TRPV3: variants seen among roughly 807,000 people sequenced by gnomAD.
TRPV3 encodes the protein transient receptor potential cation channel subfamily V member 3.
TRPV3 carries 88 observed loss-of-function variants against 87.1 expected under a neutral mutation model. The observed-to-expected ratio is 1.01, with a 90% CI of 0.85 to 1.21. The LOEUF (loss-of-function observed/expected upper bound fraction) is 1.21. Among genes scored for constraint, TRPV3 ranks in the 50% most tolerant of loss-of-function variants. The pLI, the probability that TRPV3 is intolerant of heterozygous loss-of-function variation, is 0.00. For missense variants in TRPV3, 1,054 were observed against 1,030.1 expected (o/e 1.02, Z -0.32); for synonymous variants, 438 against 423.3 (o/e 1.03, Z -0.43).
intron 13 of TRPV3, among the ~76,000 whole-genome samples, chr17:3,522,553 T>C (rs1005749112): frequency 2.0e-5 from 3 of 149,444 alleles, no homozygotes; most frequent in East Asian, 2.0e-4. Context: ...ATTTGTTGAT[T>C]CCCCCCCCCA....
At position 3,510,577 on chromosome 17, in the gene TRPV3, G is replaced by C. The variant is rs886052835; in HGVS notation, c.*3340C>G. ...TGGCACAAACATGTTCTTACTCTTT[G>C]TATGATTTCTTTCTTGAACATAGAG... On this transcript the variant is annotated 3_prime_UTR_variant, in exon 18 of 18. Coordinates refer to ENST00000576742, the MANE Select transcript of TRPV3 (RefSeq NM_145068.4). 2.6e-5 allele frequency: 4 copies of C among 152,200 alleles called. No individual in the cohort carries two copies. The highest frequency in any genetic ancestry group is 6.5e-5 in the Admixed American group (1 of 15,278). The allele number at this position is 152,200 out of a possible 1,614,324, so 9.4% of individuals were successfully genotyped here.
chr17:3,529,866 C>A (rs572851892), intron 9 of TRPV3, among the ~76,000 whole-genome samples, 161 bp downstream of exon 9: 1 of 151,902 alleles, frequency 6.6e-6, no homozygotes, highest in South Asian at 2.1e-4. Context: ...CAGGCCTCGC[C>A]TTTTCTGTGC....
intron 2 of TRPV3, chr17:3,554,339 C>T (rs2074606548): frequency 5.6e-6 from 1 of 177,582 alleles, no homozygotes; most frequent in African/African-American, 2.4e-5. Context: ...GATGGAAAGC[C>T]ATGGGTGTGT....
intron 2 of TRPV3, 65 bp downstream of exon 2, chr17:3,554,667 G>A: frequency 8.4e-7 from 1 of 1,197,132 alleles, no homozygotes; most frequent in Non-Finnish European, 1.2e-6. Context: ...CCCTGGGGGG[G>A]TGCCAGGCCC....
chr17:3,541,825 A>C (rs1157641530), intron 6 of TRPV3, among the ~76,000 whole-genome samples: 4 of 151,734 alleles, frequency 2.6e-5, no homozygotes, highest in African/African-American at 9.7e-5. Flanking sequence ...CTGACTGTCC[A>C]CTCTAAAGTT....
Position 3,535,722 on chromosome 17 carries a change from C to T in TRPV3, c.644-9G>A. The stretch of plus-strand genomic sequence containing the variant: ...GTTCAGCGCCGTCTGCCCTGCGGAG[C>T]GGGCGGGGACGCGCGGGAGCCTCAG... On this transcript the variant is annotated splice_polypyrimidine_tract_variant and intron_variant, in intron 6 of 17. Transcript: ENST00000576742. 4.7e-6 allele frequency: 7 copies of T among 1,480,618 alleles called. No homozygotes were observed. Among genetic ancestry groups the T allele is most frequent in the Non-Finnish European group, 6.3e-6 (7 of 1,118,256 alleles). 91.7% of individuals were successfully genotyped at this position (1,480,618 alleles called of 1,614,324 possible).
At chr17:3,525,232 C>A (rs188128788) in intron 12 of TRPV3, among the ~76,000 whole-genome samples, 2 of 152,192 alleles carry the variant, frequency 1.3e-5, no homozygotes, top group East Asian at 1.9e-4. Flanking sequence ...GTTGGCCAGG[C>A]TGGTCTCGAA....
Position 3,530,399 on chromosome 17 carries a change from C to CGGTGAAAA in TRPV3, c.1066-197_1066-196insTTTTCACC. Reference sequence around the variant, plus strand: ...TGCGCACAAAGCTTGCTGTTCCGCCCATCTCACTGGGGGTTGTGAATACCA... The same window carrying CGGTGAAAA: ...TGCGCACAAAGCTTGCTGTTCCGCCCGGTGAAAAATCTCACTGGGGGTTGTGAATACCA... On this transcript the variant is annotated intron_variant, in intron 8 of 17. Coordinates refer to ENST00000576742, the MANE Select transcript of TRPV3 (RefSeq NM_145068.4). The surrounding 1 kb of genome is among the most constrained non-coding windows in gnomAD (Gnocchi z 4.0). 2.3e-6 allele frequency: 1 copy of CGGTGAAAA among 438,888 alleles called. No homozygotes were observed. Among genetic ancestry groups the CGGTGAAAA allele is most frequent in the Non-Finnish European group, 3.8e-6 (1 of 262,190 alleles). The allele number at this position is 438,888 out of a possible 1,614,324, so 27.2% of individuals were successfully genotyped here.
At chr17:3,555,584 C>T (rs1183498058) in intron 1 of TRPV3, among the ~76,000 whole-genome samples, 1 of 152,190 alleles carries the variant, frequency 6.6e-6, no homozygotes, top group African/African-American at 2.4e-5. Flanking sequence ...AGGCCGACCC[C>T]CCAGTCCAGA....
chr17:3,529,863 C>T (rs970217047), intron 9 of TRPV3, among the ~76,000 whole-genome samples, 164 bp downstream of exon 9: 6 of 151,418 alleles, frequency 4.0e-5, no homozygotes, highest in Non-Finnish European at 5.9e-5. Flanking sequence ...TCCCAGGCCT[C>T]GCCTTTTCTG....
At chr17:3,515,959 G>C (rs1405635916) in intron 16 of TRPV3, among the ~76,000 whole-genome samples, 1 of 152,084 alleles carries the variant, frequency 6.6e-6, no homozygotes, top group Admixed American at 6.5e-5. Context: ...GGCCAAGGTG[G>C]GTGGATCACC....
chr17:3,548,537 A>T (rs1486184748), intron 2 of TRPV3, among the ~76,000 whole-genome samples: 1 of 152,024 alleles, frequency 6.6e-6, no homozygotes, highest in Admixed American at 6.6e-5. Flanking sequence ...CAGGAGAGAG[A>T]CCCCGGGCTT....
chr17:3,544,014 C>CT (rs755823210), intron 4 of TRPV3, among the ~76,000 whole-genome samples: 126 of 150,832 alleles, frequency 8.4e-4, no homozygotes, highest in African/African-American at 1.1e-3. Flanking sequence ...TTTCTTTTTT[C>CT]TTTTTTTTAT....
At position 3,532,295 on chromosome 17, in the gene TRPV3, A is replaced by G. The variant is rs561755074; in HGVS notation, c.1065+362T>C. Among the ~76,000 whole-genome samples, 184 of 152,354 alleles carry G rather than the reference A, an allele frequency of 1.2e-3. 1 individual carries two copies. The highest frequency in any genetic ancestry group is 4.1e-3 in the African/African-American group (169 of 41,592). On this transcript the variant is annotated intron_variant, in intron 8 of 17. Coordinates refer to ENST00000576742, the MANE Select transcript of TRPV3 (RefSeq NM_145068.4). ...TATTAGCGCTGCGCCCGCAGCAGCCATTCTGGAACTCCCGTCCTCGTGAGA... is the reference window on the plus strand; with the variant it reads ...TATTAGCGCTGCGCCCGCAGCAGCCGTTCTGGAACTCCCGTCCTCGTGAGA...
At chr17:3,544,795 G>A (rs542352815) in intron 3 of TRPV3, 130 bp from the exon 4 acceptor site, 59 of 666,406 alleles carry the variant, frequency 8.9e-5, no homozygotes, top group African/African-American at 1.9e-4. Context: ...TCAGGAGTTC[G>A]AGACCAGCCT....
intron 16 of TRPV3, among the ~76,000 whole-genome samples, chr17:3,515,376 T>C (rs2074169407): frequency 1.3e-5 from 2 of 152,050 alleles, no homozygotes; most frequent in African/African-American, 4.8e-5. Flanking sequence ...AAGGTGTTCA[T>C]GGGGCCGGGC....
intron 8 of TRPV3, among the ~76,000 whole-genome samples, chr17:3,531,535 G>A (rs1018361069): frequency 2.6e-5 from 4 of 152,150 alleles, no homozygotes; most frequent in African/African-American, 7.2e-5. Context: ...TGCCTCCCCC[G>A]GGCCGGCCAC....
At chr17:3,529,853 T>C (rs752557835) in intron 9 of TRPV3, among the ~76,000 whole-genome samples, 174 bp downstream of exon 9, 41 of 141,878 alleles carry the variant, frequency 2.9e-4, no homozygotes, top group Middle Eastern at 3.3e-3. Context: ...CCAGCATCTG[T>C]CCCAGGCCTC....
intron 16 of TRPV3, 92 bp from the exon 17 acceptor site, chr17:3,514,764 C>A (rs2150777072): frequency 1.0e-6 from 1 of 953,560 alleles, no homozygotes; most frequent in South Asian, 1.4e-5. Flanking sequence ...GGTGTCTACA[C>A]AGCTCCCCTT....
Sources: allele counts gnomAD v4.1 joint callset (sites outside exome capture counted in the v4.1 genomes callset), GRCh38; gene constraint gnomAD v4.1.1; non-coding constraint Gnocchi (gnomAD v3.1); transcripts MANE v1.5; gene names NCBI Gene and HGNC (gene_info 2026-07-23, HGNC 2026-07-21).